AP4M1: variants seen among roughly 807,000 people sequenced by gnomAD.
AP4M1 encodes adaptor related protein complex 4 subunit mu 1, also known as AP-4 complex subunit mu-1.
A neutral mutation model predicts 62.4 loss-of-function variants in AP4M1; 58 were observed. That is an observed-to-expected ratio of 0.93 (90% confidence interval 0.75 to 1.16). The LOEUF (loss-of-function observed/expected upper bound fraction) is 1.16. Ranked by LOEUF, AP4M1 falls within the 50% of genes most tolerant of loss-of-function variation. The probability of loss-of-function intolerance (pLI) is 0.00; values close to 1 mark genes in which losing one functional copy is unlikely to be tolerated. For synonymous variants in AP4M1, 290 were observed against 239.7 expected (o/e 1.21, Z -1.94); for missense variants, 626 against 585.4 (o/e 1.07, Z -0.72).
intron 7 of AP4M1, 85 bp from the exon 8 acceptor site, chr7:100,104,789 C>T: frequency 6.7e-7 from 1 of 1,501,422 alleles, no homozygotes; most frequent in Non-Finnish European, 9.2e-7. Context: ...CGAGATCACG[C>T]CACTGCCAGC....
chr7:100,107,710 C>G lies in AP4M1; in HGVS notation c.*828C>G. 1 of 1,536,984 alleles carries G rather than the reference C, an allele frequency of 6.5e-7. No homozygotes were observed. The highest frequency in any genetic ancestry group is 2.3e-5 in the East Asian group (1 of 43,656). On this transcript the variant is annotated 3_prime_UTR_variant, in exon 15 of 15. Transcript: ENST00000359593. Reference sequence around the variant, plus strand: ...CGAGGACGCTTCACTCGCTCCCTGCCTGAACAAGTTGTTCCTGTAGTTCAC... The same window carrying G: ...CGAGGACGCTTCACTCGCTCCCTGCGTGAACAAGTTGTTCCTGTAGTTCAC...
chr7:100,103,491 G>T lies in AP4M1; in HGVS notation c.434G>T (p.Ser145Ile). 2 of 1,614,228 alleles carry T rather than the reference G, an allele frequency of 1.2e-6. No individual in the cohort carries two copies. The highest frequency in any genetic ancestry group is 1.7e-6 in the Non-Finnish European group (2 of 1,180,046). ...GAAGCTGTGGTCAGCAAGCCCTTCA[G>T]CCTCTTTGACCTCAGCAGCGTTGGC... ...QTEAVVSKPF[S>I]LFDLSSVGLF... Residue 145 changes from serine to isoleucine, a missense_variant, in exon 5 of 15, where the codon AGC becomes ATC. Coordinates refer to ENST00000359593, the MANE Select transcript of AP4M1 (RefSeq NM_004722.4).
chr7:100,106,240 G>A lies in AP4M1; in HGVS notation c.975-1G>A. 1 of 1,614,090 alleles carries A rather than the reference G, an allele frequency of 6.2e-7. No homozygotes were observed. The highest frequency in any genetic ancestry group is 1.7e-5 in the Admixed American group (1 of 60,020). On this transcript the variant is annotated splice_acceptor_variant, in intron 12 of 14. Transcript: ENST00000359593. LOFTEE classifies it high-confidence loss of function. ...TGACTTTGTTCCCGTCTCCTCTGTAGCCAAGCCCTCAATGTCAGGCTGCAC... is the reference window on the plus strand; with the variant it reads ...TGACTTTGTTCCCGTCTCCTCTGTAACCAAGCCCTCAATGTCAGGCTGCAC...
chr7:100,101,446 A>G (rs1796024812), upstream of AP4M1: 2 of 1,071,268 alleles, frequency 1.9e-6, no homozygotes, highest in African/African-American at 3.1e-5. Context: ...CGTGCGGGCC[A>G]ATCGGACAAG....
chr7:100,105,922 G>C (rs1228891348), intron 11 of AP4M1, 37 bp from the exon 12 acceptor site: 1 of 1,612,852 alleles, frequency 6.2e-7, no homozygotes, highest in Admixed American at 1.7e-5. Context: ...GCCAGTAGAA[G>C]ATGGCCTGAG....
chr7:100,103,431 C>G lies in AP4M1; in HGVS notation c.374C>G (p.Thr125Arg), dbSNP rs764232242. The stretch of plus-strand genomic sequence containing the variant: ...TAGGACTATGGCTATGTACAGACCA[C>G]ATCCACGGAGATGCTGAGGAATTTC... The part of the protein sequence containing the change: ...EVLDYGYVQT[T>R]STEMLRNFIQ... Residue 125 changes from threonine (T) to arginine (R), a missense_variant, in exon 5 of 15, where the codon ACA becomes AGA. Transcript: ENST00000359593. 3.7e-6 allele frequency: 6 copies of G among 1,613,976 alleles called. No individual in the cohort carries two copies.
chr7:100,104,645 A>G (rs1286597149), intron 7 of AP4M1, among the ~76,000 whole-genome samples: 3 of 152,212 alleles, frequency 2.0e-5, no homozygotes, highest in Non-Finnish European at 4.4e-5. Flanking sequence ...AGCCTGGCCA[A>G]CACAGTGAAA....
chr7:100,101,810 GCCGGGCGGGA>G, intron 1 of AP4M1, 38 bp downstream of exon 1: 1 of 1,573,794 alleles, frequency 6.4e-7, no homozygotes, highest in Non-Finnish European at 8.7e-7. Context: ...GGGCGGAGGG[GCCGGGCGGGA>G]GGGGCGCCCA....
chr7:100,103,303 T>A, intron 4 of AP4M1, 106 bp from the exon 5 acceptor site: 1 of 1,012,204 alleles, frequency 9.9e-7, no homozygotes, highest in East Asian at 2.5e-5. Context: ...GTCTCGGCCT[T>A]CCAAAGCGCT....
intron 7 of AP4M1, 30 bp from the exon 8 acceptor site, chr7:100,104,844 G>A (rs761733792): frequency 1.2e-6 from 2 of 1,613,376 alleles, no homozygotes; most frequent in South Asian, 1.1e-5. Context: ...AAGAAAAAAA[G>A]ACTCTAACCT....
chr7:100,104,799 C>A, intron 7 of AP4M1, 75 bp from the exon 8 acceptor site: 1 of 1,561,428 alleles, frequency 6.4e-7, no homozygotes, highest in Non-Finnish European at 8.8e-7. Flanking sequence ...CCACTGCCAG[C>A]CTGGGCGACA....
intron 6 of AP4M1, 50 bp downstream of exon 6, chr7:100,103,742 C>G: frequency 6.3e-7 from 1 of 1,590,092 alleles, no homozygotes; most frequent in Non-Finnish European, 8.6e-7. Flanking sequence ...CTCTGGGATC[C>G]GGGAGTCCAA....
rs1796073222 is a variant in AP4M1, at chr7:100,101,904, A to T, written c.83A>T (p.Asp28Val). 1.2e-6 allele frequency: 2 copies of T among 1,612,722 alleles called. No homozygotes were observed. The highest frequency in any genetic ancestry group is 1.1e-5 in the South Asian group (1 of 91,074). Residue 28 changes from aspartate to valine, a missense_variant, in exon 2 of 15, where the codon GAT (aspartate) becomes GTT (valine). By Grantham distance (152) the Asp-to-Val change is radical. Coordinates refer to ENST00000359593, the MANE Select transcript of AP4M1 (RefSeq NM_004722.4). ...KDFRGDSGGR[D>V]VAELFYRKLT... ...GTCCGCGGGGACAGTGGCGGCCGGG[A>T]TGTGGCCGAGCTCTTCTACCGGAAG...
chr7:100,102,931 C>T lies in AP4M1; in HGVS notation c.322C>T (p.Leu108=). 1.2e-6 allele frequency: 2 copies of T among 1,614,148 alleles called. No individual in the cohort carries two copies. The highest frequency in any genetic ancestry group is 1.1e-5 in the South Asian group (1 of 91,080). Residue 108 remains leucine, a synonymous_variant, in exon 4 of 15, where the codon CTG becomes TTG. Transcript: ENST00000359593. ...GEGTISRNVA[L]VYELLDEVLD... The stretch of plus-strand genomic sequence containing the variant: ...GGGGACCATCTCCCGCAATGTGGCT[C>T]TGGTATACGAACTCCTGGATGAAGT...
intron 9 of AP4M1, 66 bp from the exon 10 acceptor site, chr7:100,105,174 T>G: frequency 6.2e-7 from 1 of 1,610,914 alleles, no homozygotes; most frequent in Non-Finnish European, 8.5e-7. Flanking sequence ...AGACAGAGCC[T>G]CCCCTCTCCT....
chr7:100,101,463 T>A (rs1475867012), upstream of AP4M1: 1 of 898,094 alleles, frequency 1.1e-6, no homozygotes. Flanking sequence ...CAAGGCGGCC[T>A]TCTTCACCTC....
rs189910650 is a variant in AP4M1 at position 100,107,701 on chromosome 7, G to A, written c.*819G>A. 534 of 1,549,346 alleles carry A rather than the reference G, an allele frequency of 3.4e-4. 1 individual carries two copies. In the African/African-American group the frequency reaches 5.8e-3, roughly 17 times the overall value. On this transcript the variant is annotated 3_prime_UTR_variant, in exon 15 of 15. Transcript: ENST00000359593. Reference sequence around the variant, plus strand: ...GAGGCCTGGCGAGGACGCTTCACTCGCTCCCTGCCTGAACAAGTTGTTCCT... The same window carrying A: ...GAGGCCTGGCGAGGACGCTTCACTCACTCCCTGCCTGAACAAGTTGTTCCT...
intron 14 of AP4M1, 48 bp downstream of exon 14, chr7:100,106,562 G>GGCCC: frequency 1.3e-6 from 2 of 1,514,834 alleles, no homozygotes; most frequent in Non-Finnish European, 1.8e-6. Flanking sequence ...TTCACTTGCA[G>GGCCC]CCCCCACCCC....
At chr7:100,105,929 T>C in intron 11 of AP4M1, 30 bp from the exon 12 acceptor site, 3 of 1,613,940 alleles carry the variant, frequency 1.9e-6, no homozygotes, top group Non-Finnish European at 2.5e-6. Flanking sequence ...GAAGATGGCC[T>C]GAGTCGTGGT....
Sources: gnomAD v4.1 joint callset for allele counts (sites outside exome capture counted in the v4.1 genomes callset) on GRCh38, gnomAD v4.1.1 for gene constraint, MANE v1.5 for transcripts, NCBI Gene and HGNC (gene_info 2026-07-23, HGNC 2026-07-21) for gene names.